LONP2: variants seen among roughly 807,000 people sequenced by gnomAD.
The protein encoded by LONP2 is lon protease homolog 2, peroxisomal.
LONP2 carries 60 observed loss-of-function variants against 85.6 expected under a neutral mutation model. The ratio of observed to expected loss-of-function variants is 0.70; its 90% CI spans 0.57 to 0.87. The LOEUF (loss-of-function observed/expected upper bound fraction) is 0.87, where lower values mean the gene tolerates loss of function less well. Ranked by LOEUF, LONP2 falls within the 40% of genes least tolerant of loss-of-function variation. The pLI is 0.00. For synonymous variants in LONP2, 395 were observed against 389.7 expected, an observed-to-expected ratio of 1.01 and a Z score of -0.16; for missense variants, 860 against 1,063.5, an observed-to-expected ratio of 0.81 and a Z score of 2.66.
rs565599906 is a variant in LONP2 at position 48,353,169 on chromosome 16, A to G, written c.*1367A>G. ...ACTTCAGAATCTTTTATTACACAATATAAGAATATGTATGTAAAGACATTT... is the reference window on the plus strand; with the variant it reads ...ACTTCAGAATCTTTTATTACACAATGTAAGAATATGTATGTAAAGACATTT... On this transcript the variant is annotated 3_prime_UTR_variant, in exon 15 of 15. Transcript: ENST00000285737. 6.6e-6 allele frequency: 1 copy of G among 152,312 alleles called. No homozygotes were observed. The highest frequency in any genetic ancestry group is 2.4e-5 in the African/African-American group (1 of 41,570). The allele number at this position is 152,312 out of a possible 1,614,324, so 9.4% of individuals were successfully genotyped here. A position where few individuals can be genotyped will look rare whatever the true frequency, so the allele number is the denominator to read the frequency against.
chr16:48,297,863 C>T (rs530982791), intron 9 of LONP2, among the ~76,000 whole-genome samples: 33 of 152,194 alleles, frequency 2.2e-4, no homozygotes, highest in African/African-American at 7.9e-4. Context: ...CCACGCCCAG[C>T]TAATTTTTGT....
intron 8 of LONP2, among the ~76,000 whole-genome samples, chr16:48,288,113 A>G (rs1247579088): frequency 6.7e-6 from 1 of 149,280 alleles, no homozygotes; most frequent in African/African-American, 2.5e-5. Flanking sequence ...CAGTAGTAAT[A>G]TATATGTAAA....
intron 1 of LONP2, among the ~76,000 whole-genome samples, chr16:48,249,478 C>T (rs1971567867): frequency 6.6e-6 from 1 of 152,122 alleles, no homozygotes; most frequent in Admixed American, 6.5e-5. Context: ...ACCTGGGGCC[C>T]AATATACAAT....
intron 7 of LONP2, among the ~76,000 whole-genome samples, chr16:48,276,279 A>G (rs1972206160): frequency 6.6e-6 from 1 of 152,180 alleles, no homozygotes; most frequent in Non-Finnish European, 1.5e-5. Context: ...TTGCCTTTTC[A>G]AAGTTCACTC....
chr16:48,311,447 T>C (rs1046285548), intron 11 of LONP2, among the ~76,000 whole-genome samples: 1 of 151,812 alleles, frequency 6.6e-6, no homozygotes, highest in Non-Finnish European at 1.5e-5. Flanking sequence ...TAGTCTGTTG[T>C]TGAAGCTTTC....
intron 14 of LONP2, 30 bp downstream of exon 14, chr16:48,348,320 ATTT>A: frequency 7.6e-7 from 1 of 1,315,340 alleles, no homozygotes; most frequent in Non-Finnish European, 1.0e-6. Flanking sequence ...TTATATGGTT[ATTT>A]TTTATTTAAT....
At position 48,353,184 on chromosome 16, in the gene LONP2, T is replaced by TAAAG. The variant is rs1451134249; in HGVS notation, c.*1384_*1387dup. ...ATTACACAATATAAGAATATGTATG[T>TAAAG]AAAGACATTTTGGAATTTCCTGGAT... On this transcript the variant is annotated 3_prime_UTR_variant, in exon 15 of 15. Transcript: ENST00000285737. 1 of 152,188 alleles carries TAAAG rather than the reference T, an allele frequency of 6.6e-6. No homozygotes were observed. Among genetic ancestry groups the TAAAG allele is most frequent in the Non-Finnish European group, 1.5e-5 (1 of 68,046 alleles). 9.4% of individuals were successfully genotyped at this position (152,188 alleles called of 1,614,324 possible).
chr16:48,247,848 G>T, intron 1 of LONP2, among the ~76,000 whole-genome samples: 1 of 152,122 alleles, frequency 6.6e-6, no homozygotes, highest in East Asian at 1.9e-4. Context: ...CCAGGCTGGT[G>T]TCAAACTTGT....
At chr16:48,359,009 C>T (rs532955892), downstream of LONP2, among the ~76,000 whole-genome samples, 31 of 152,188 alleles carry the variant, frequency 2.0e-4, no homozygotes, top group Admixed American at 5.9e-4. Flanking sequence ...TTTTTTGAGC[C>T]AAGAGTCTCA....
rs749482997 is a variant in LONP2, at chr16:48,351,681, G to A, written c.2438G>A (p.Gly813Asp). 1.9e-6 allele frequency: 3 copies of A among 1,614,174 alleles called. No individual in the cohort carries two copies. The East Asian group carries it at 6.7e-5, about 36-fold the overall frequency. The change falls in exon 15 of 15, where the codon GGC (glycine) becomes GAC (aspartate). Residue 813 changes from glycine to aspartate, a missense_variant. By Grantham distance (94) the Gly-to-Asp change is moderately conservative (BLOSUM62 -1). Around this residue, in one of 3 missense-constraint regions of LONP2, gnomAD observed 115 missense variants for 129.0 expected, o/e 0.89. Transcript: ENST00000285737. Reference protein sequence around the residue: ...RNEKDLEGIPGNVRQDLSFVT... With the variant: ...RNEKDLEGIPDNVRQDLSFVT... ...GAAAAAGACCTTGAGGGAATCCCAG[G>A]CAACGTACGACAGGATTTAAGTTTT...
At chr16:48,318,824 TG>T (rs1973200808) in intron 11 of LONP2, among the ~76,000 whole-genome samples, 1 of 152,212 alleles carries the variant, frequency 6.6e-6, no homozygotes, top group Non-Finnish European at 1.5e-5. Context: ...AGCCTTCTGT[TG>T]GGCTGCTTTC....
intron 6 of LONP2, among the ~76,000 whole-genome samples, chr16:48,269,006 C>T (rs1193260842): frequency 6.6e-6 from 1 of 152,080 alleles, no homozygotes; most frequent in Non-Finnish European, 1.5e-5. Context: ...TGTATTATAC[C>T]CTGGCAGCCA....
At chr16:48,331,098 G>C (rs1352089590) in intron 11 of LONP2, among the ~76,000 whole-genome samples, 1 of 152,214 alleles carries the variant, frequency 6.6e-6, no homozygotes, top group African/African-American at 2.4e-5. Flanking sequence ...AGAGAAACTT[G>C]TAAGCTCTTT....
At chr16:48,327,074 C>T (rs775577119) in intron 11 of LONP2, among the ~76,000 whole-genome samples, 12 of 152,238 alleles carry the variant, frequency 7.9e-5, no homozygotes, top group Non-Finnish European at 1.6e-4. Context: ...TCTCACTTGG[C>T]TCACAGCCAT....
At chr16:48,326,912 T>G (rs1959252121) in intron 11 of LONP2, among the ~76,000 whole-genome samples, 1 of 152,234 alleles carries the variant, frequency 6.6e-6, no homozygotes, top group Non-Finnish European at 1.5e-5. Context: ...AGAAGAACAG[T>G]TGACTGTGTC....
At chr16:48,309,195 G>A (rs758200198) in intron 11 of LONP2, among the ~76,000 whole-genome samples, 3 of 152,122 alleles carry the variant, frequency 2.0e-5, no homozygotes, top group Non-Finnish European at 2.9e-5. Flanking sequence ...ATAGTGCTGG[G>A]AGAAATGTAA....
intron 11 of LONP2, among the ~76,000 whole-genome samples, chr16:48,318,225 A>G (rs1973186503): frequency 6.6e-6 from 1 of 152,148 alleles, no homozygotes; most frequent in African/African-American, 2.4e-5. Context: ...CCTCAATTTA[A>G]AATGCATCAA....
chr16:48,295,336 C>T (rs1972645488), intron 8 of LONP2, among the ~76,000 whole-genome samples: 2 of 152,292 alleles, frequency 1.3e-5, no homozygotes, highest in East Asian at 3.9e-4. Flanking sequence ...TGTGCCACTG[C>T]ACTCCAACCT....
chr16:48,279,968 A>G (rs1972292112), intron 8 of LONP2, among the ~76,000 whole-genome samples: 1 of 152,122 alleles, frequency 6.6e-6, no homozygotes. Flanking sequence ...TTCCCAGTTT[A>G]TGCCTAATAT....
Sources: gnomAD v4.1 joint callset for allele counts (sites outside exome capture counted in the v4.1 genomes callset) on GRCh38, gnomAD v4.1.1 for gene constraint, gnomAD v4.1.1 regional missense constraint, MANE v1.5 for transcripts, NCBI Gene and HGNC (gene_info 2026-07-23, HGNC 2026-07-21) for gene names.